The following CTNNA3 variants were observed in gnomAD, a reference collection of about 807,000 sequenced individuals.
The protein encoded by CTNNA3 is catenin alpha-3.
CTNNA3 carries 76 observed loss-of-function variants against 95.7 expected under a neutral mutation model. The observed-to-expected ratio is 0.79, with a 90% confidence interval of 0.66 to 0.96. CTNNA3 has a LOEUF of 0.96. CTNNA3 is among the 40% of genes least tolerant of loss of function. CTNNA3 has a pLI of 0.00. For synonymous variants in CTNNA3, 431 were observed against 374.4 expected (o/e 1.15, Z -1.74); for missense variants, 1,191 against 1,089.8 (o/e 1.09, Z -1.31).
chr10:67,084,584 T>A, intron 7 of CTNNA3, among the ~76,000 whole-genome samples: 1 of 152,110 alleles, frequency 6.6e-6, no homozygotes, highest in Non-Finnish European at 1.5e-5. Context: ...TTAGATTTCC[T>A]TAACCATATA....
Position 66,360,985 on chromosome 10 carries a change from C to A in CTNNA3, c.1732+18167G>T, listed in dbSNP as rs991095095. Among the ~76,000 whole-genome samples the A allele has an allele frequency of 2.7e-5, 4 of 149,952 alleles. No individual in the cohort carries two copies. In the East Asian group the frequency reaches 7.9e-4, roughly 30 times the overall value. The stretch of plus-strand genomic sequence containing the variant: ...TCTATTATATTTTAAGAGATGGAGT[C>A]TCACTCCATCACCCCAGCTGGAGTA... On this transcript the variant is annotated intron_variant, in intron 12 of 17. Coordinates refer to ENST00000433211, the MANE Select transcript of CTNNA3 (RefSeq NM_013266.4).
intron 4 of CTNNA3, among the ~76,000 whole-genome samples, chr10:67,532,573 C>T (rs1232404220): frequency 6.6e-6 from 1 of 152,132 alleles, no homozygotes; most frequent in Admixed American, 6.5e-5. Flanking sequence ...ACAAGTAAAA[C>T]ATGACTATGG....
intron 5 of CTNNA3, among the ~76,000 whole-genome samples, chr10:67,516,529 G>T (rs1839819388): frequency 6.6e-6 from 1 of 152,052 alleles, no homozygotes; most frequent in Non-Finnish European, 1.5e-5. Flanking sequence ...TTTCTATGTG[G>T]TCAGTCATTA....
At chr10:65,990,815 T>G (rs2078530399) in intron 15 of CTNNA3, among the ~76,000 whole-genome samples, 1 of 152,084 alleles carries the variant, frequency 6.6e-6, no homozygotes, top group Non-Finnish European at 1.5e-5. Flanking sequence ...GCTTTTGAAG[T>G]CTTAGCCATA....
At chr10:66,477,126 CTG>C (rs1310464918) in intron 11 of CTNNA3, among the ~76,000 whole-genome samples, 1 of 151,998 alleles carries the variant, frequency 6.6e-6, no homozygotes, top group African/African-American at 2.4e-5. Context: ...TGTCAGTACT[CTG>C]TTATTTAACC....
chr10:67,141,115 A>T (rs1860538804), intron 7 of CTNNA3, among the ~76,000 whole-genome samples: 1 of 152,202 alleles, frequency 6.6e-6, no homozygotes, highest in African/African-American at 2.4e-5. Context: ...CTCAAAGATA[A>T]TATTTGGTGA....
At chr10:67,000,134 C>T (rs912149510) in intron 7 of CTNNA3, among the ~76,000 whole-genome samples, 5 of 152,118 alleles carry the variant, frequency 3.3e-5, no homozygotes, top group Admixed American at 1.3e-4. Flanking sequence ...AAATATAGGG[C>T]CTTCCAGATG....
chr10:66,063,298 CT>C (rs2080246515), intron 15 of CTNNA3, among the ~76,000 whole-genome samples: 4 of 122,286 alleles, frequency 3.3e-5, no homozygotes, highest in Non-Finnish European at 7.6e-5. Context: ...ATGTATAAAT[CT>C]CTCTCTCTAT....
chr10:66,147,843 T>C (rs1443741879), intron 13 of CTNNA3, among the ~76,000 whole-genome samples: 1 of 151,482 alleles, frequency 6.6e-6, no homozygotes, highest in Non-Finnish European at 1.5e-5. Context: ...GTATGTATAT[T>C]AATATGCTTA....
chr10:67,634,116 A>T (rs971042926), intron 2 of CTNNA3, among the ~76,000 whole-genome samples: 1 of 152,218 alleles, frequency 6.6e-6, no homozygotes, highest in African/African-American at 2.4e-5. Context: ...AGCCCATCAG[A>T]CTAACAGCAG....
intron 15 of CTNNA3, among the ~76,000 whole-genome samples, chr10:66,063,310 A>C (rs140387039): frequency 0.15 from 20,692 of 133,670 alleles, 1,674 homozygotes; most frequent in South Asian, 0.26. Context: ...CTCTCTCTAT[A>C]TATATATATA....
chr10:66,318,280 G>A (rs10997059), intron 12 of CTNNA3, among the ~76,000 whole-genome samples: 8,738 of 91,328 alleles, frequency 0.096, 293 homozygotes, highest in Middle Eastern at 0.14. Flanking sequence ...ATATATATGT[G>A]TGTGTGTGTG....
intron 10 of CTNNA3, among the ~76,000 whole-genome samples, chr10:66,557,633 G>T (rs1009620432): frequency 2.6e-5 from 4 of 152,082 alleles, no homozygotes; most frequent in Non-Finnish European, 5.9e-5. Flanking sequence ...ATGTCTAAGT[G>T]AAGTAACAGA....
At chr10:67,124,695 G>A (rs922120340) in intron 7 of CTNNA3, among the ~76,000 whole-genome samples, 23 of 152,024 alleles carry the variant, frequency 1.5e-4, no homozygotes, top group South Asian at 4.2e-4. Flanking sequence ...TAATAAATTC[G>A]TCATTCCTAA....
At chr10:67,659,843 TA>T (rs1840129645) in intron 1 of CTNNA3, among the ~76,000 whole-genome samples, 1 of 152,184 alleles carries the variant, frequency 6.6e-6, no homozygotes, top group Non-Finnish European at 1.5e-5. Context: ...CTGATATTTT[TA>T]AAAAGCAGAG....
At chr10:67,355,742 C>T (rs745687670) in intron 5 of CTNNA3, among the ~76,000 whole-genome samples, 2 of 152,006 alleles carry the variant, frequency 1.3e-5, no homozygotes, top group Non-Finnish European at 2.9e-5. Flanking sequence ...TAATACAAAG[C>T]TATCATCGTT....
At position 67,126,418 on chromosome 10, in the gene CTNNA3, T is replaced by TGAGG. The variant is rs771015040; in HGVS notation, c.1047+53898_1047+53899insCCTC. 5.3e-3 allele frequency among the ~76,000 whole-genome samples: 808 copies of TGAGG among 152,256 alleles called. 7 individuals are homozygous for TGAGG. Among genetic ancestry groups the TGAGG allele is most frequent in the Middle Eastern group, 0.014 (4 of 292 alleles). Reference sequence around the variant, plus strand: ...GGCGCGTGCCTGTAATCCCAGCTACTCGGGAGACTGAGGCGGGAGAATCGC... The same window carrying TGAGG: ...GGCGCGTGCCTGTAATCCCAGCTACTGAGGCGGGAGACTGAGGCGGGAGAATCGC... On this transcript the variant is annotated intron_variant, in intron 7 of 17. Coordinates refer to ENST00000433211, the MANE Select transcript of CTNNA3 (RefSeq NM_013266.4).
chr10:66,925,065 C>T (rs779715337), intron 7 of CTNNA3, among the ~76,000 whole-genome samples: 2 of 152,130 alleles, frequency 1.3e-5, no homozygotes, highest in Non-Finnish European at 2.9e-5. Context: ...ATCCTTTAAT[C>T]GGCTTCATTT....
chr10:67,597,552 T>C (rs1175161720), intron 3 of CTNNA3, among the ~76,000 whole-genome samples: 1 of 152,194 alleles, frequency 6.6e-6, no homozygotes, highest in Admixed American at 6.5e-5. Context: ...ATCACTTCTG[T>C]GCTGCATGCT....
Sources: gnomAD v4.1 joint callset for allele counts (sites outside exome capture counted in the v4.1 genomes callset) on GRCh38, gnomAD v4.1.1 for gene constraint, MANE v1.5 for transcripts, NCBI Gene and HGNC (gene_info 2026-07-23, HGNC 2026-07-21) for gene names.